PLCB1: variants seen among roughly 807,000 people sequenced by gnomAD.
The protein encoded by PLCB1 is phospholipase C beta 1, also known as 1-phosphatidylinositol 4,5-bisphosphate phosphodiesterase beta-1.
Under a neutral mutation model 161.8 loss-of-function variants are expected in PLCB1, and 46 were observed. The ratio of observed to expected loss-of-function variants is 0.28; its 90% CI spans 0.22 to 0.36. The LOEUF (loss-of-function observed/expected upper bound fraction) is 0.36. Among genes scored for constraint, PLCB1 ranks in the 10% least tolerant of loss-of-function variants. PLCB1 has a pLI of 1.00. For synonymous variants in PLCB1, 517 were observed against 503.7 expected (o/e 1.03, Z -0.35); for missense variants, 1,016 against 1,472.5 (o/e 0.69, Z 5.07).
intron 3 of PLCB1, among the ~76,000 whole-genome samples, chr20:8,622,969 C>G (rs1988227330): frequency 6.6e-6 from 1 of 152,196 alleles, no homozygotes; most frequent in African/African-American, 2.4e-5. Flanking sequence ...TCTCCACATT[C>G]TGAGCCCAAT....
Position 8,561,829 on chromosome 20 carries a change from T to G in PLCB1, c.247-66465T>G, listed in dbSNP as rs568709259. 6.8e-4 allele frequency among the ~76,000 whole-genome samples: 103 copies of G among 152,168 alleles called. 1 individual carries two copies. The highest frequency in any genetic ancestry group is 2.3e-3 in the African/African-American group (95 of 41,542). ...CTTTCAAGATAGTCAAGCTGACATT[T>G]AATAGTGTTTTTCTCTATAAAATTA... On this transcript the variant is annotated intron_variant, in intron 3 of 31. Coordinates refer to ENST00000338037, the MANE Select transcript of PLCB1 (RefSeq NM_015192.4).
At chr20:8,655,752 A>G (rs1989440740) in intron 7 of PLCB1, among the ~76,000 whole-genome samples, 1 of 152,038 alleles carries the variant, frequency 6.6e-6, no homozygotes, top group African/African-American at 2.4e-5. Flanking sequence ...GAGGCACTTG[A>G]GTTGGCCAGC....
chr20:8,175,403 A>G (rs1164546265), intron 2 of PLCB1, among the ~76,000 whole-genome samples: 1 of 152,166 alleles, frequency 6.6e-6, no homozygotes. Flanking sequence ...GGCAAAGGAC[A>G]GTATTTTCAA....
chr20:8,787,742 A>G lies in PLCB1; in HGVS notation c.3112-707A>G, dbSNP rs553899709. 4.6e-5 allele frequency among the ~76,000 whole-genome samples: 7 copies of G among 152,396 alleles called. No individual in the cohort carries two copies. The South Asian group carries it at 1.4e-3, about 32-fold the overall frequency. The stretch of plus-strand genomic sequence containing the variant: ...TGCAGAATACCAAGGATACAAAAAC[A>G]CAATTGATGCCCCCTTGGGGCTTGA... On this transcript the variant is annotated intron_variant, in intron 27 of 31. Coordinates refer to ENST00000338037, the MANE Select transcript of PLCB1 (RefSeq NM_015192.4).
intron 15 of PLCB1, among the ~76,000 whole-genome samples, chr20:8,724,269 A>G (rs900863320): frequency 1.3e-5 from 2 of 152,090 alleles, no homozygotes; most frequent in African/African-American, 4.8e-5. Context: ...ACACCCTGCA[A>G]TGGAAGATGA....
chr20:8,324,776 C>T (rs1985078934), intron 2 of PLCB1, among the ~76,000 whole-genome samples: 1 of 152,188 alleles, frequency 6.6e-6, no homozygotes, highest in African/African-American at 2.4e-5. Flanking sequence ...TAAACATCAG[C>T]ATCTCTACCT....
chr20:8,410,744 A>C (rs1979006817), intron 3 of PLCB1, among the ~76,000 whole-genome samples: 2 of 152,156 alleles, frequency 1.3e-5, no homozygotes, highest in Admixed American at 1.3e-4. Flanking sequence ...TATTTGGAAA[A>C]AGGCTCCTTG....
intron 3 of PLCB1, among the ~76,000 whole-genome samples, chr20:8,449,508 A>G (rs1209316193): frequency 2.0e-5 from 3 of 152,192 alleles, no homozygotes; most frequent in Non-Finnish European, 4.4e-5. Flanking sequence ...GCAACTCAGA[A>G]TTAAGAGAGA....
At chr20:8,875,379 A>G (rs534959095) in intron 31 of PLCB1, among the ~76,000 whole-genome samples, 3 of 148,608 alleles carry the variant, frequency 2.0e-5, no homozygotes, top group South Asian at 4.2e-4. Context: ...TTCATATTTT[A>G]TATTACAAAG....
intron 9 of PLCB1, among the ~76,000 whole-genome samples, chr20:8,677,645 C>T (rs1452059191): frequency 6.6e-6 from 1 of 151,930 alleles, no homozygotes; most frequent in East Asian, 1.9e-4. Context: ...ACAAAACAGG[C>T]CACACACCTG....
chr20:8,708,781 T>G (rs745957872), intron 12 of PLCB1, 29 bp downstream of exon 12: 2 of 1,384,050 alleles, frequency 1.4e-6, no homozygotes, highest in African/African-American at 2.8e-5. Context: ...CAGGAATGAG[T>G]CTTTTTCCCG....
intron 9 of PLCB1, among the ~76,000 whole-genome samples, chr20:8,678,813 T>A (rs1448310360): frequency 6.6e-6 from 1 of 152,174 alleles, no homozygotes. Context: ...CAGAGCTGGA[T>A]CAAAATGAAT....
chr20:8,450,479 G>A (rs1307802777), intron 3 of PLCB1, among the ~76,000 whole-genome samples: 2 of 151,992 alleles, frequency 1.3e-5, no homozygotes, highest in African/African-American at 4.8e-5. Flanking sequence ...GAACAGGGCA[G>A]TGCTGGAATG....
intron 3 of PLCB1, among the ~76,000 whole-genome samples, chr20:8,444,791 G>A (rs1249955252): frequency 1.3e-5 from 2 of 152,094 alleles, no homozygotes; most frequent in African/African-American, 4.8e-5. Context: ...GCATTTCTCT[G>A]ATGGCCAGTG....
intron 3 of PLCB1, among the ~76,000 whole-genome samples, chr20:8,454,132 A>G (rs2122657259): frequency 6.6e-6 from 1 of 152,262 alleles, no homozygotes; most frequent in East Asian, 1.9e-4. Flanking sequence ...TTGTGAGGAA[A>G]TAAATTCCTG....
Position 8,741,500 on chromosome 20 carries a change from T to C in PLCB1, c.2450T>C (p.Val817Ala), listed in dbSNP as rs1249842080. Residue 817 changes from valine to alanine, a missense_variant, in exon 23 of 32, where the codon GTG becomes GCG. Around this residue, in one of 10 missense-constraint regions of PLCB1, gnomAD observed 75 missense variants for 117.0 expected, o/e 0.64. Coordinates refer to ENST00000338037, the MANE Select transcript of PLCB1 (RefSeq NM_015192.4). ...GCTTTATCAAACCCAATCCGATATG[T>C]GAACCTGATGGAACAGAGAGCTAAG... The part of the protein sequence containing the change: ...IEALSNPIRY[V>A]NLMEQRAKQL... 6.2e-7 allele frequency: 1 copy of C among 1,613,644 alleles called. No homozygotes were observed. Among genetic ancestry groups the C allele is most frequent in the Non-Finnish European group, 8.5e-7 (1 of 1,179,690 alleles).
chr20:8,751,099 C>G (rs752240169), intron 23 of PLCB1: 30 of 162,470 alleles, frequency 1.8e-4, no homozygotes, highest in Non-Finnish European at 3.5e-4. Context: ...CCAAGCCCGG[C>G]TAATTTTTTT....
chr20:8,635,148 A>G (rs1363342020), intron 4 of PLCB1, among the ~76,000 whole-genome samples: 2 of 152,240 alleles, frequency 1.3e-5, no homozygotes, highest in African/African-American at 4.8e-5. Flanking sequence ...CTTATAATCT[A>G]TCCTGTATTT....
chr20:8,827,072 A>G (rs1985741119), intron 31 of PLCB1, among the ~76,000 whole-genome samples: 1 of 152,220 alleles, frequency 6.6e-6, no homozygotes, highest in African/African-American at 2.4e-5. Context: ...ATTTTGTAAC[A>G]AGTAATTAAG....
Sources: allele counts gnomAD v4.1 joint callset (sites outside exome capture counted in the v4.1 genomes callset), GRCh38; gene constraint gnomAD v4.1.1; regional missense constraint gnomAD v4.1.1; transcripts MANE v1.5; gene names NCBI Gene and HGNC (gene_info 2026-07-23, HGNC 2026-07-21).